The following HHAT variants were observed in gnomAD, a reference collection of about 807,000 sequenced individuals.
HHAT encodes protein-cysteine N-palmitoyltransferase HHAT.
A neutral mutation model predicts 70.8 loss-of-function variants in HHAT; 47 were observed. The ratio of observed to expected loss-of-function variants is 0.66; its 90% CI spans 0.53 to 0.85. The LOEUF is 0.85. Ranked by LOEUF, HHAT falls within the 40% of genes least tolerant of loss-of-function variation. The pLI, the probability that HHAT is intolerant of heterozygous loss-of-function variation, is 0.00. For missense variants in HHAT, 609 were observed against 604.8 expected (o/e 1.01, Z -0.07); for synonymous variants, 228 against 247.6 (o/e 0.92, Z 0.74).
chr1:210,585,340 G>C (rs56282853), intron 9 of HHAT, among the ~76,000 whole-genome samples: 3,216 of 152,288 alleles, frequency 0.021, 37 homozygotes, highest in Non-Finnish European at 0.035. Flanking sequence ...ACCAGAGATA[G>C]GTAGTAGTTG....
At position 210,623,620 on chromosome 1, in the gene HHAT, T is replaced by C. The variant is rs751537022; in HGVS notation, c.1340T>C (p.Leu447Pro). ...CTGATCCTGTCCAACCTGGTATTTCTTGGGGGCAATGAGGTTGGGAAAACC... is the reference window on the plus strand; with the variant it reads ...CTGATCCTGTCCAACCTGGTATTTCCTGGGGGCAATGAGGTTGGGAAAACC... Reference protein sequence around the residue: ...SMLILSNLVFLGGNEVGKTYW... With the variant: ...SMLILSNLVFPGGNEVGKTYW... Residue 447 changes from leucine (L) to proline (P), a missense_variant, in exon 11 of 12, where the codon CTT (leucine) becomes CCT (proline). Leu to Pro is a moderately conservative substitution (Grantham distance 98, BLOSUM62 -3). Coordinates refer to ENST00000261458, the MANE Select transcript of HHAT (RefSeq NM_018194.6). 4 of 1,613,972 alleles carry C rather than the reference T, an allele frequency of 2.5e-6. No individual in the cohort carries two copies. Among genetic ancestry groups the C allele is most frequent in the Non-Finnish European group, 8.5e-7 (1 of 1,180,006 alleles).
intron 10 of HHAT, among the ~76,000 whole-genome samples, chr1:210,592,879 CTTT>C (rs35245794): frequency 1.4e-5 from 2 of 145,446 alleles, no homozygotes; most frequent in East Asian, 2.0e-4. Context: ...ACCAACTTTT[CTTT>C]TTTTTTTTTT....
chr1:210,413,182 C>T (rs1168500523), intron 6 of HHAT, among the ~76,000 whole-genome samples: 2 of 152,232 alleles, frequency 1.3e-5, no homozygotes, highest in African/African-American at 4.8e-5. Flanking sequence ...TAAAACATAA[C>T]TAAAATCTCA....
At chr1:210,645,893 C>T (rs1673949191) in intron 11 of HHAT, among the ~76,000 whole-genome samples, 1 of 151,878 alleles carries the variant, frequency 6.6e-6, no homozygotes, top group Non-Finnish European at 1.5e-5. Flanking sequence ...GCTCTCTAGC[C>T]CACAGGGCCC....
At chr1:210,463,718 G>C (rs1255636760) in intron 7 of HHAT, among the ~76,000 whole-genome samples, 3 of 152,068 alleles carry the variant, frequency 2.0e-5, no homozygotes, top group Non-Finnish European at 2.9e-5. Flanking sequence ...TAATCATTTG[G>C]GGAACCACCA....
At chr1:210,567,259 T>A (rs993601520) in intron 9 of HHAT, among the ~76,000 whole-genome samples, 1 of 152,196 alleles carries the variant, frequency 6.6e-6, no homozygotes, top group African/African-American at 2.4e-5. Context: ...ACATTTCAGA[T>A]CAAAGAGAAC....
rs1245928247 is a variant in HHAT, at chr1:210,445,800, AT to A, written c.857-18701del. On this transcript the variant is annotated intron_variant, in intron 7 of 11. Coordinates refer to ENST00000261458, the MANE Select transcript of HHAT (RefSeq NM_018194.6). ...CCTGCCACCTGCCCCACCCTTCTCT[AT>A]TTTCTGGATTCTCCTTCCCTGCTAT... Among the ~76,000 whole-genome samples, 6 of 150,752 alleles carry A rather than the reference AT, an allele frequency of 4.0e-5. No homozygotes were observed. In the East Asian group the frequency reaches 7.8e-4, roughly 20 times the overall value.
At chr1:210,497,657 A>G (rs1047185828) in intron 8 of HHAT, among the ~76,000 whole-genome samples, 18 of 152,110 alleles carry the variant, frequency 1.2e-4, no homozygotes, top group Non-Finnish European at 1.9e-4. Context: ...TCTATCTTCC[A>G]GTCACAGTGG....
chr1:210,472,193 C>T (rs188348413), intron 8 of HHAT, among the ~76,000 whole-genome samples: 137 of 152,308 alleles, frequency 9.0e-4, no homozygotes, highest in African/African-American at 3.1e-3. Flanking sequence ...GAAAAAAAAT[C>T]CTCCCACACG....
chr1:210,604,962 G>A (rs957721315), intron 10 of HHAT, among the ~76,000 whole-genome samples: 2 of 152,130 alleles, frequency 1.3e-5, no homozygotes, highest in African/African-American at 2.4e-5. Context: ...GCTATAGCAC[G>A]CTGTGATTGT....
At chr1:210,488,648 T>C (rs951716085) in intron 8 of HHAT, among the ~76,000 whole-genome samples, 13 of 152,248 alleles carry the variant, frequency 8.5e-5, no homozygotes, top group African/African-American at 3.1e-4. Context: ...ATCCTAGCAC[T>C]TTGGGAGGCT....
chr1:210,580,839 C>A (rs1308286349), intron 9 of HHAT, among the ~76,000 whole-genome samples: 1 of 151,972 alleles, frequency 6.6e-6, no homozygotes, highest in South Asian at 2.1e-4. Flanking sequence ...GGTTATATAC[C>A]CAGTAATGAG....
intron 1 of HHAT, among the ~76,000 whole-genome samples, chr1:210,348,135 C>G (rs2086679703): frequency 6.6e-6 from 1 of 152,158 alleles, no homozygotes; most frequent in Non-Finnish European, 1.5e-5. Flanking sequence ...AACCCAGCTA[C>G]TCAGGAGGCT....
chr1:210,641,353 T>C (rs1672939149), intron 11 of HHAT, among the ~76,000 whole-genome samples: 1 of 152,202 alleles, frequency 6.6e-6, no homozygotes. Flanking sequence ...ATCCTGGAAG[T>C]TACTCCTTGT....
intron 8 of HHAT, among the ~76,000 whole-genome samples, chr1:210,511,378 T>C (rs2094948988): frequency 6.6e-6 from 1 of 152,214 alleles, no homozygotes; most frequent in African/African-American, 2.4e-5. Context: ...TTCTTTATTC[T>C]CACCTATGCT....
At chr1:210,653,799 G>T (rs542707926) in intron 11 of HHAT, among the ~76,000 whole-genome samples, 46 of 138,058 alleles carry the variant, frequency 3.3e-4, no homozygotes, top group Non-Finnish European at 5.3e-4. Context: ...CAGCTGAGGT[G>T]CTGGGGCAGG....
chr1:210,552,791 G>A (rs1230160671), intron 9 of HHAT, among the ~76,000 whole-genome samples: 1 of 152,192 alleles, frequency 6.6e-6, no homozygotes, highest in African/African-American at 2.4e-5. Flanking sequence ...GCTACCCTTG[G>A]TTTGCCTGGT....
intron 8 of HHAT, among the ~76,000 whole-genome samples, chr1:210,503,689 T>C (rs2094801391): frequency 6.6e-6 from 1 of 152,212 alleles, no homozygotes; most frequent in Non-Finnish European, 1.5e-5. Context: ...GGTAGTGTCC[T>C]CCTCTCCTTC....
chr1:210,618,826 T>C (rs1399579085), intron 10 of HHAT, among the ~76,000 whole-genome samples: 1 of 152,194 alleles, frequency 6.6e-6, no homozygotes, highest in Non-Finnish European at 1.5e-5. Flanking sequence ...AGGGATGAGT[T>C]GCCATGGAGA....
Sources: gnomAD v4.1 joint callset for allele counts (sites outside exome capture counted in the v4.1 genomes callset) on GRCh38, gnomAD v4.1.1 for gene constraint, MANE v1.5 for transcripts, NCBI Gene and HGNC (gene_info 2026-07-23, HGNC 2026-07-21) for gene names.